GPC6: variants seen among roughly 807,000 people sequenced by gnomAD.
GPC6 encodes the protein glypican 6.
Under a neutral mutation model 55.2 loss-of-function variants are expected in GPC6, and 14 were observed. The ratio of observed to expected loss-of-function variants is 0.25; its 90% CI spans 0.17 to 0.40. The LOEUF is 0.40. Among genes scored for constraint, GPC6 ranks in the 10% least tolerant of loss-of-function variants. GPC6 has a pLI of 1.00. For synonymous variants in GPC6, 278 were observed against 259.6 expected, an observed-to-expected ratio of 1.07 and a Z score of -0.68; for missense variants, 641 against 708.5, an observed-to-expected ratio of 0.90 and a Z score of 1.08.
At chr13:93,486,032 A>G (rs1461628111) in intron 1 of GPC6, among the ~76,000 whole-genome samples, 1 of 152,234 alleles carries the variant, frequency 6.6e-6, no homozygotes, top group Non-Finnish European at 1.5e-5. Flanking sequence ...GAATAGGCAT[A>G]AAAGGCGGAG....
intron 3 of GPC6, among the ~76,000 whole-genome samples, chr13:93,957,371 C>A (rs1047183339): frequency 2.0e-5 from 3 of 152,118 alleles, no homozygotes; most frequent in Non-Finnish European, 4.4e-5. Flanking sequence ...CCCATGCTCC[C>A]TTCCTGTCAT....
chr13:94,277,210 TG>T (rs1286039866), intron 4 of GPC6, among the ~76,000 whole-genome samples: 2 of 152,232 alleles, frequency 1.3e-5, no homozygotes, highest in Admixed American at 1.3e-4. Flanking sequence ...TTTTTTCATA[TG>T]TTTGTTGTCC....
chr13:93,232,375 A>G (rs1393356489), intron 1 of GPC6, among the ~76,000 whole-genome samples: 4 of 152,176 alleles, frequency 2.6e-5, no homozygotes, highest in African/African-American at 7.2e-5. Flanking sequence ...AAGTCACTAG[A>G]TTTCTAAAAG....
chr13:93,916,322 C>T (rs913341512), intron 3 of GPC6, among the ~76,000 whole-genome samples: 11 of 152,064 alleles, frequency 7.2e-5, no homozygotes, highest in African/African-American at 2.4e-4. Context: ...AGGCATAAAT[C>T]GGCACTTCTT....
At chr13:93,626,734 G>A (rs563433740) in intron 2 of GPC6, among the ~76,000 whole-genome samples, 5 of 151,826 alleles carry the variant, frequency 3.3e-5, no homozygotes, top group South Asian at 4.2e-4. Flanking sequence ...CCCGGGAGGC[G>A]GAGGTTGCAG....
At chr13:93,952,868 A>ATGTG (rs1336852253) in intron 3 of GPC6, among the ~76,000 whole-genome samples, 9 of 108,976 alleles carry the variant, frequency 8.3e-5, no homozygotes, top group Non-Finnish European at 8.4e-5. Flanking sequence ...ATATATGTAT[A>ATGTG]TATATACATA....
intron 1 of GPC6, among the ~76,000 whole-genome samples, chr13:93,238,978 A>C (rs1243917681): frequency 6.6e-6 from 1 of 151,982 alleles, no homozygotes; most frequent in East Asian, 1.9e-4. Flanking sequence ...GTTGTGCTAT[A>C]GTATTTGGTT....
chr13:93,821,744 T>C lies in GPC6; in HGVS notation c.320-8410T>C, dbSNP rs145663613. Among the ~76,000 whole-genome samples the C allele has an allele frequency of 2.3e-3, 349 of 152,306 alleles. 3 individuals are homozygous for C. Among genetic ancestry groups the C allele is most frequent in the Admixed American group, 0.016 (248 of 15,296 alleles). ...TTTTTTTGTTCTTCCTCAGTTTCTC[T>C]AACTTGTCTTTCCATTGAGATTGCT... is the stretch of plus-strand genomic sequence containing the variant. On this transcript the variant is annotated intron_variant, in intron 2 of 8. Coordinates refer to ENST00000377047, the MANE Select transcript of GPC6 (RefSeq NM_005708.5).
chr13:93,523,488 CAT>C (rs1488312980), intron 1 of GPC6, among the ~76,000 whole-genome samples: 1 of 151,438 alleles, frequency 6.6e-6, no homozygotes, highest in African/African-American at 2.4e-5. Flanking sequence ...CATACACATA[CAT>C]ATATGTGTAT....
At chr13:93,810,796 A>G (rs888142311) in intron 2 of GPC6, among the ~76,000 whole-genome samples, 1 of 152,212 alleles carries the variant, frequency 6.6e-6, no homozygotes. Context: ...AGGATATGTA[A>G]CAAAAGCCAG....
At chr13:93,720,273 A>G (rs1453975972) in intron 2 of GPC6, among the ~76,000 whole-genome samples, 1 of 151,794 alleles carries the variant, frequency 6.6e-6, no homozygotes, top group African/African-American at 2.4e-5. Context: ...CAGGGATTTG[A>G]CTTCTTCTTG....
chr13:94,256,168 T>C (rs1425626023), intron 4 of GPC6, among the ~76,000 whole-genome samples: 1 of 152,176 alleles, frequency 6.6e-6, no homozygotes, highest in Non-Finnish European at 1.5e-5. Context: ...TAAAACTTGA[T>C]GTTTTCTTCC....
intron 3 of GPC6, among the ~76,000 whole-genome samples, chr13:93,994,307 A>G (rs1881441077): frequency 6.6e-6 from 1 of 152,210 alleles, no homozygotes; most frequent in African/African-American, 2.4e-5. Context: ...CATTACATCT[A>G]TAGGAATATA....
chr13:93,478,964 T>C (rs1879400158), intron 1 of GPC6, among the ~76,000 whole-genome samples: 1 of 152,198 alleles, frequency 6.6e-6, no homozygotes, highest in Non-Finnish European at 1.5e-5. Context: ...TACATGGGTG[T>C]ACTCAGAAAG....
intron 1 of GPC6, among the ~76,000 whole-genome samples, chr13:93,347,515 G>C (rs1011571020): frequency 6.6e-6 from 1 of 152,114 alleles, no homozygotes; most frequent in African/African-American, 2.4e-5. Context: ...TTTGTCATGA[G>C]AGGGCATGAG....
intron 2 of GPC6, among the ~76,000 whole-genome samples, chr13:93,710,857 A>C (rs1179537489): frequency 6.6e-6 from 1 of 151,818 alleles, no homozygotes; most frequent in African/African-American, 2.4e-5. Context: ...TGCATAACTT[A>C]AGTACTCTTG....
At chr13:93,824,403 A>G (rs1373119315) in intron 2 of GPC6, among the ~76,000 whole-genome samples, 1 of 152,188 alleles carries the variant, frequency 6.6e-6, no homozygotes, top group East Asian at 1.9e-4. Context: ...CATGCTGGGC[A>G]TTGCTTAAAT....
chr13:93,537,804 A>T (rs1441903395), intron 1 of GPC6, among the ~76,000 whole-genome samples: 1 of 152,128 alleles, frequency 6.6e-6, no homozygotes, highest in South Asian at 2.1e-4. Context: ...TTCTCACTTC[A>T]CATAGTTAGT....
chr13:93,986,794 C>A (rs1378471579), intron 3 of GPC6, among the ~76,000 whole-genome samples: 1 of 152,138 alleles, frequency 6.6e-6, no homozygotes, highest in African/African-American at 2.4e-5. Context: ...CATTCATTTA[C>A]AGTTGTGCAC....
Sources: gnomAD v4.1 joint callset for allele counts (sites outside exome capture counted in the v4.1 genomes callset) on GRCh38, gnomAD v4.1.1 for gene constraint, MANE v1.5 for transcripts, NCBI Gene and HGNC (gene_info 2026-07-23, HGNC 2026-07-21) for gene names.